Variants in RTTN observed in about 807,000 individuals in gnomAD.
RTTN encodes the protein rotatin.
A neutral mutation model predicts 269.2 loss-of-function variants in RTTN; 182 were observed. The observed-to-expected ratio is 0.68, with a 90% CI of 0.60 to 0.76. RTTN has a LOEUF of 0.76. Among genes scored for constraint, RTTN ranks in the 30% least tolerant of loss-of-function variants. RTTN has a pLI of 0.00. For synonymous variants in RTTN, 1,006 were observed against 963.5 expected, an observed-to-expected ratio of 1.04 and a Z score of -0.82; for missense variants, 2,545 against 2,608.6, an observed-to-expected ratio of 0.98 and a Z score of 0.53.
chr18:70,113,586 C>T (rs1599439), intron 27 of RTTN, among the ~76,000 whole-genome samples: 126,374 of 152,130 alleles, frequency 0.83, 55,609 homozygotes, highest in East Asian at 1. Flanking sequence ...ACACAAAAAT[C>T]TGTATATGAG....
At chr18:70,070,645 A>C (rs1165867808) in intron 34 of RTTN, among the ~76,000 whole-genome samples, 1 of 152,062 alleles carries the variant, frequency 6.6e-6, no homozygotes, top group East Asian at 1.9e-4. Context: ...CTTATATCTT[A>C]CCTCTTCAAA....
chr18:70,074,814 A>C (rs1001812414), intron 33 of RTTN: 1 of 151,850 alleles, frequency 6.6e-6, no homozygotes, highest in Non-Finnish European at 1.5e-5. Flanking sequence ...TACAAACAAA[A>C]GGAATAAAAA....
rs1235086158 is a variant in RTTN, at chr18:70,092,097, C to G, written c.4143+13G>C. The G allele has an allele frequency of 3.9e-6, 6 of 1,537,670 alleles. No individual in the cohort carries two copies. The highest frequency in any genetic ancestry group is 1.4e-5 in the African/African-American group (1 of 73,336). Reference sequence around the variant, plus strand: ...ATCTAAACACAATACACTTGATTCTCCTTCACACTCACCTCTGGGTCCCGA... The same window carrying G: ...ATCTAAACACAATACACTTGATTCTGCTTCACACTCACCTCTGGGTCCCGA... On this transcript the variant is annotated intron_variant, in intron 30 of 48. Transcript: ENST00000640769.
intron 46 of RTTN, among the ~76,000 whole-genome samples, chr18:70,014,588 G>C (rs114858965): frequency 1.3e-5 from 2 of 152,154 alleles, no homozygotes; most frequent in African/African-American, 2.4e-5. Context: ...ACCATCAATC[G>C]AAGACACCTC....
At chr18:70,042,371 T>C (rs1476464587) in intron 40 of RTTN, among the ~76,000 whole-genome samples, 5 of 126,880 alleles carry the variant, frequency 3.9e-5, no homozygotes, top group Non-Finnish European at 8.2e-5. Flanking sequence ...ATTTTCTTTT[T>C]TTTTTTTTTT....
chr18:70,032,758 T>C (rs897562214), intron 40 of RTTN, among the ~76,000 whole-genome samples: 4 of 152,184 alleles, frequency 2.6e-5, no homozygotes, highest in African/African-American at 9.7e-5. Flanking sequence ...TTGACAGTAT[T>C]AGACAGATAA....
chr18:70,073,688 C>T (rs73466772), intron 34 of RTTN, among the ~76,000 whole-genome samples: 107 of 152,294 alleles, frequency 7.0e-4, no homozygotes, highest in African/African-American at 2.4e-3. Flanking sequence ...TACTTTACTT[C>T]AGAGTGGCTT....
intron 7 of RTTN, among the ~76,000 whole-genome samples, chr18:70,195,320 A>C (rs1323182576): frequency 6.6e-6 from 1 of 152,240 alleles, no homozygotes; most frequent in Admixed American, 6.5e-5. Context: ...TTCTCTGACT[A>C]TCCTAAATGA....
intron 8 of RTTN, among the ~76,000 whole-genome samples, chr18:70,191,483 C>T (rs913398972): frequency 6.6e-6 from 1 of 152,158 alleles, no homozygotes; most frequent in African/African-American, 2.4e-5. Context: ...AGAAAAACCT[C>T]ATGGGAAATG....
rs754232618 is a variant in RTTN, at chr18:70,176,894, G to A, written c.1306-49C>T. ...AACAGAAGAAAACAACCAATTTTAG[G>A]GGCCAGTATACAAAAGCCATGGAGA... On this transcript the variant is annotated intron_variant, in intron 10 of 48. Transcript: ENST00000640769. 8.9e-6 allele frequency: 13 copies of A among 1,463,670 alleles called. No individual in the cohort carries two copies. In the African/African-American group the frequency reaches 1.6e-4, roughly 18 times the overall value. 90.7% of individuals were successfully genotyped at this position (1,463,670 alleles called of 1,614,324 possible). A position where few individuals can be genotyped will look rare whatever the true frequency, so the allele number is the denominator to read the frequency against.
intron 14 of RTTN, among the ~76,000 whole-genome samples, chr18:70,155,161 T>C (rs535777861): frequency 4.6e-5 from 7 of 152,322 alleles, no homozygotes; most frequent in African/African-American, 1.7e-4. Flanking sequence ...TGATTCTTTT[T>C]ATTATTTCAA....
At chr18:70,172,870 GA>G (rs2061179105) in intron 11 of RTTN, among the ~76,000 whole-genome samples, 3 of 152,180 alleles carry the variant, frequency 2.0e-5, no homozygotes, top group Admixed American at 2.0e-4. Flanking sequence ...TAGATAGATT[GA>G]CCATTTGCAA....
chr18:70,028,730 T>A lies in RTTN; in HGVS notation c.5817A>T (p.Glu1939Asp), dbSNP rs1375104032. ...GAAAAGTAGTTCTACTTACTTTACA[T>A]TCCTCATTTTGATAAAGACAGTTTC... ...LLRNCLYQNE[E>D]CKEAALEAHL... is the part of the protein sequence containing the mutation. Residue 1939 changes from glutamate (E) to aspartate (D), a missense_variant, in exon 43 of 49, where the codon GAA becomes GAT. Physicochemically the swap from Glu to Asp is conservative, Grantham distance 45. Coordinates refer to ENST00000640769, the MANE Select transcript of RTTN (RefSeq NM_173630.4). 1.2e-6 allele frequency: 2 copies of A among 1,603,546 alleles called. No individual in the cohort carries two copies. Among genetic ancestry groups the A allele is most frequent in the Non-Finnish European group, 1.7e-6 (2 of 1,172,552 alleles).
intron 27 of RTTN, among the ~76,000 whole-genome samples, chr18:70,113,551 C>T (rs1270648106): frequency 6.6e-6 from 1 of 152,138 alleles, no homozygotes; most frequent in Non-Finnish European, 1.5e-5. Flanking sequence ...TAATTATATA[C>T]TCAAGAGAAC....
At chr18:70,202,036 G>T in intron 3 of RTTN, 53 bp from the exon 4 acceptor site, 1 of 1,025,826 alleles carries the variant, frequency 9.7e-7, no homozygotes, top group South Asian at 1.5e-5. Flanking sequence ...TGCTAAAAGT[G>T]AAACTTACTT....
intron 28 of RTTN, among the ~76,000 whole-genome samples, chr18:70,094,711 G>A (rs2058949054): frequency 6.6e-6 from 1 of 152,066 alleles, no homozygotes; most frequent in Admixed American, 6.6e-5. Flanking sequence ...CAATTATGTG[G>A]TCAATTTTAG....
intron 40 of RTTN, among the ~76,000 whole-genome samples, chr18:70,033,323 C>G (rs1450831922): frequency 1.3e-5 from 2 of 152,170 alleles, no homozygotes; most frequent in African/African-American, 4.8e-5. Flanking sequence ...TACTCCGTGT[C>G]AGGTATTTCT....
At chr18:70,171,775 G>A (rs2061149597) in intron 11 of RTTN, among the ~76,000 whole-genome samples, 1 of 152,186 alleles carries the variant, frequency 6.6e-6, no homozygotes, top group Non-Finnish European at 1.5e-5. Context: ...AGCAGCCATG[G>A]CATAATTCTA....
rs185193279 is a variant in RTTN at position 70,071,125 on chromosome 18, A to G, written c.4653+2781T>C. ...TCAAAAGAATGGTCTACCAGTTACC[A>G]TGCTAGGAACTTGAACAAGCATGCA... On this transcript the variant is annotated intron_variant, in intron 34 of 48. Coordinates refer to ENST00000640769, the MANE Select transcript of RTTN (RefSeq NM_173630.4). 4.6e-5 allele frequency among the ~76,000 whole-genome samples: 7 copies of G among 152,312 alleles called. No individual in the cohort carries two copies. The East Asian group carries it at 1.4e-3, about 29-fold the overall frequency.
Sources: gnomAD v4.1 joint callset for allele counts (sites outside exome capture counted in the v4.1 genomes callset) on GRCh38, gnomAD v4.1.1 for gene constraint, MANE v1.5 for transcripts, NCBI Gene and HGNC (gene_info 2026-07-23, HGNC 2026-07-21) for gene names.